Variants in CCDC61 observed in about 807,000 individuals in gnomAD.
CCDC61 encodes the protein coiled-coil domain containing 61.
Under a neutral mutation model 63.0 loss-of-function variants are expected in CCDC61, and 55 were observed. The observed-to-expected ratio is 0.87, with a 90% confidence interval of 0.70 to 1.09. The LOEUF is 1.09. Ranked by LOEUF, CCDC61 falls within the 50% of genes least tolerant of loss-of-function variation. The pLI is 0.00. For missense variants in CCDC61, 651 were observed against 731.4 expected (o/e 0.89, Z 1.27); for synonymous variants, 270 against 317.0 (o/e 0.85, Z 1.58).
chr19:45,999,969 A>G (rs1968560454), intron 1 of CCDC61: 1 of 962,264 alleles, frequency 1.0e-6, no homozygotes, highest in African/African-American at 1.8e-5. Context: ...AGAGGCTGAG[A>G]AGAGGAACTG....
At chr19:46,010,419 C>T (rs943398797) in intron 5 of CCDC61, among the ~76,000 whole-genome samples, 2 of 152,148 alleles carry the variant, frequency 1.3e-5, no homozygotes, top group East Asian at 3.9e-4. Context: ...AGGGCTGGTG[C>T]TAGGAAGGAA....
At chr19:45,996,461 C>T (rs1329107832) in intron 1 of CCDC61, 2 of 133,264 alleles carry the variant, frequency 1.5e-5, no homozygotes, top group East Asian at 2.2e-4. Context: ...CAGAGTTTCG[C>T]TCTTGTAGCC....
chr19:46,006,778 A>G, intron 4 of CCDC61, 62 bp downstream of exon 4: 4 of 1,471,242 alleles, frequency 2.7e-6, no homozygotes, highest in South Asian at 2.6e-5. Context: ...GGATGTGGGT[A>G]GGCCTTAGGA....
At position 46,017,232 on chromosome 19, in the gene CCDC61, A is replaced by T; in HGVS notation, c.1311-15A>T. ...GCCTCCCCACCACTGGTCCTTGGTT[A>T]CTCCTTTTTCTCAGGGGTCACCGCC... On this transcript the variant is annotated splice_polypyrimidine_tract_variant and intron_variant, in intron 11 of 13. Transcript: ENST00000595358. 1 of 1,558,484 alleles carries T rather than the reference A, an allele frequency of 6.4e-7. No individual in the cohort carries two copies.
intron 5 of CCDC61, 23 bp downstream of exon 5, chr19:46,008,324 G>GTGGGGGGGGGGGT: frequency 1.1e-6 from 1 of 897,126 alleles, no homozygotes; most frequent in Middle Eastern, 3.0e-4. Context: ...GGGGTGGGCA[G>GTGGGGGGGGGGGT]CTGGGGCGGG....
intron 5 of CCDC61, among the ~76,000 whole-genome samples, chr19:46,012,476 T>A (rs531674505): frequency 3.3e-5 from 5 of 151,996 alleles, no homozygotes; most frequent in Non-Finnish European, 7.4e-5. Flanking sequence ...TGAAACCCTG[T>A]CTCTACTAAA....
Position 46,003,125 on chromosome 19 carries a change from G to T in CCDC61, c.107G>T (p.Arg36Leu). 2 of 1,613,422 alleles carry T rather than the reference G, an allele frequency of 1.2e-6. No individual in the cohort carries two copies. The highest frequency in any genetic ancestry group is 1.7e-6 in the Non-Finnish European group (2 of 1,179,702). ...GQVLELEVED[R>L]MTADQWRGEF... ...GTGCTGGAGCTGGAGGTGGAGGACC[G>T]GATGACGGCTGACCAGTGGCGGGGC... is the stretch of plus-strand genomic sequence containing the variant. The change falls in exon 2 of 14, where the codon CGG (arginine) becomes CTG (leucine). Residue 36 changes from arginine to leucine, a missense_variant. By Grantham distance (102) the Arg-to-Leu change is moderately radical (BLOSUM62 -2). Coordinates refer to ENST00000595358, the MANE Select transcript of CCDC61 (RefSeq NM_001267723.2).
At chr19:45,999,948 A>G in intron 1 of CCDC61, 3 of 882,800 alleles carry the variant, frequency 3.4e-6, no homozygotes, top group Non-Finnish European at 4.1e-6. Context: ...GCGTGAGGTC[A>G]GGAAGGAGGC....
chr19:46,004,939 A>G (rs1216250877), intron 3 of CCDC61, among the ~76,000 whole-genome samples: 2 of 148,236 alleles, frequency 1.3e-5, no homozygotes, highest in African/African-American at 5.0e-5. Context: ...CTCGGGTTCA[A>G]GTGATTCTCA....
chr19:46,016,346 G>A lies in CCDC61; in HGVS notation c.1044G>A (p.Thr348=), dbSNP rs1968935282. ...GTCGCGCGCTCCGCTTCGACCCCAC[G>A]GCCTTTGTGAAAGCCAAGGAAAGGA... ...TGGRALRFDP[T]AFVKAKERKQ... The change falls in exon 9 of 14, where the codon ACG becomes ACA. Residue 348 remains threonine (T), a synonymous_variant. Coordinates refer to ENST00000595358, the MANE Select transcript of CCDC61 (RefSeq NM_001267723.2). This position sits in a 1 kb window ranked among gnomAD's most constrained non-coding sequence, Gnocchi z 7.2. 6.2e-7 allele frequency: 1 copy of A among 1,613,834 alleles called. No homozygotes were observed. The highest frequency in any genetic ancestry group is 8.5e-7 in the Non-Finnish European group (1 of 1,179,888).
chr19:46,007,525 C>T (rs542600040), intron 4 of CCDC61, among the ~76,000 whole-genome samples: 1 of 152,214 alleles, frequency 6.6e-6, no homozygotes, highest in African/African-American at 2.4e-5. Context: ...AACAGATTTC[C>T]TGTAATATGT....
chr19:46,003,138 C>G lies in CCDC61; in HGVS notation c.120C>G (p.Asp40Glu), dbSNP rs2146458582. ...AGGTGGAGGACCGGATGACGGCTGA[C>G]CAGTGGCGGGGCGAGTTCGATGCTG... ...ELEVEDRMTA[D>E]QWRGEFDAGF... The change falls in exon 2 of 14, where the codon GAC becomes GAG. Residue 40 changes from aspartate to glutamate, a missense_variant. Physicochemically the swap from Asp to Glu is conservative, Grantham distance 45 (BLOSUM62 2). Transcript: ENST00000595358. 1 of 1,613,054 alleles carries G rather than the reference C, an allele frequency of 6.2e-7. No individual in the cohort carries two copies. Among genetic ancestry groups the G allele is most frequent in the East Asian group, 2.2e-5 (1 of 44,864 alleles).
Position 46,001,435 on chromosome 19 carries a change from G to A in CCDC61, c.-11-1573G>A, listed in dbSNP as rs143760571. On this transcript the variant is annotated intron_variant, in intron 1 of 13. Coordinates refer to ENST00000595358, the MANE Select transcript of CCDC61 (RefSeq NM_001267723.2). ...AGAGACGAGGTTTCACCATGTTGGC[G>A]AGGCCGGTCTCGAGCTGACCTCAAA... Among the ~76,000 whole-genome samples, 5 of 152,232 alleles carry A rather than the reference G, an allele frequency of 3.3e-5. No homozygotes were observed. The East Asian group carries it at 5.8e-4, about 18-fold the overall frequency.
At chr19:46,006,528 T>C in intron 3 of CCDC61, 31 bp from the exon 4 acceptor site, 2 of 1,470,650 alleles carry the variant, frequency 1.4e-6, no homozygotes, top group Non-Finnish European at 1.8e-6. Flanking sequence ...TGGCGGGTGC[T>C]GTGGCAGCTC....
Position 46,016,451 on chromosome 19 carries a change from C to T in CCDC61, c.1091+58C>T. ...TCCCTGGCCCGTGCCCGCTCCCGGG[C>T]TCTCATCTCTCCACGCCACCATCAG... is the stretch of plus-strand genomic sequence containing the variant. On this transcript the variant is annotated intron_variant, in intron 9 of 13. Transcript: ENST00000595358. This position sits in a 1 kb window ranked among gnomAD's most constrained non-coding sequence, Gnocchi z 7.2. 1 of 1,577,044 alleles carries T rather than the reference C, an allele frequency of 6.3e-7. No homozygotes were observed. The highest frequency in any genetic ancestry group is 8.7e-7 in the Non-Finnish European group (1 of 1,151,244).
intron 2 of CCDC61, 33 bp from the exon 3 acceptor site, chr19:46,003,386 C>T (rs1394724675): frequency 6.3e-7 from 1 of 1,598,970 alleles, no homozygotes; most frequent in Non-Finnish European, 8.6e-7. Context: ...GGCAAGCGGT[C>T]AGACCTCAGG....
At chr19:46,010,415 G>A (rs909238463) in intron 5 of CCDC61, among the ~76,000 whole-genome samples, 2 of 152,220 alleles carry the variant, frequency 1.3e-5, no homozygotes, top group Non-Finnish European at 2.9e-5. Flanking sequence ...TGCCAGGGCT[G>A]GTGCTAGGAA....
intron 1 of CCDC61, chr19:45,996,125 A>G (rs980936916): frequency 6.5e-6 from 1 of 153,798 alleles, no homozygotes; most frequent in African/African-American, 2.4e-5. Context: ...GCTTTGGGCC[A>G]GTTGTTTAAC....
At chr19:46,011,264 G>A (rs569135360) in intron 5 of CCDC61, among the ~76,000 whole-genome samples, 1 of 152,216 alleles carries the variant, frequency 6.6e-6, no homozygotes, top group South Asian at 2.1e-4. Context: ...TGCCCAGGCT[G>A]ATCTTGAACT....
Sources: gnomAD v4.1 joint callset for allele counts (sites outside exome capture counted in the v4.1 genomes callset) on GRCh38, gnomAD v4.1.1 for gene constraint, Gnocchi (gnomAD v3.1) non-coding constraint, MANE v1.5 for transcripts, NCBI Gene and HGNC (gene_info 2026-07-23, HGNC 2026-07-21) for gene names.